CFAP46: variants seen among roughly 807,000 people sequenced by gnomAD.
CFAP46 encodes the protein cilia- and flagella-associated protein 46.
Under a neutral mutation model 325.7 loss-of-function variants are expected in CFAP46, and 245 were observed. The ratio of observed to expected loss-of-function variants is 0.75; its 90% confidence interval spans 0.68 to 0.84. The LOEUF is 0.84. Ranked by LOEUF, CFAP46 falls within the 40% of genes least tolerant of loss-of-function variation. The pLI is 0.00. For missense variants in CFAP46, 3,346 were observed against 3,543.0 expected, an observed-to-expected ratio of 0.94 and a Z score of 1.41; for synonymous variants, 1,523 against 1,495.9, an observed-to-expected ratio of 1.02 and a Z score of -0.42.
chr10:132,838,183 T>C (rs547322162), intron 44 of CFAP46, among the ~76,000 whole-genome samples: 5 of 152,338 alleles, frequency 3.3e-5, no homozygotes, highest in Admixed American at 3.3e-4. Flanking sequence ...TTCAGGCTCC[T>C]CACCACCAGC....
At chr10:132,910,364 A>AC (rs1391032740) in intron 19 of CFAP46, among the ~76,000 whole-genome samples, 1 of 151,918 alleles carries the variant, frequency 6.6e-6, no homozygotes, top group Non-Finnish European at 1.5e-5. Context: ...CTGAGCCAGC[A>AC]CCCCTCCCCC....
chr10:132,845,579 T>C (rs182482955), intron 44 of CFAP46, among the ~76,000 whole-genome samples: 2 of 152,302 alleles, frequency 1.3e-5, no homozygotes, highest in African/African-American at 4.8e-5. Flanking sequence ...GTCGTCGTCT[T>C]TTTTCTTTAA....
At chr10:132,850,562 G>GC in intron 40 of CFAP46, 130 bp from the exon 41 acceptor site, 3 of 896,510 alleles carry the variant, frequency 3.3e-6, no homozygotes, top group Middle Eastern at 3.3e-4. Flanking sequence ...AGAAAGCCTT[G>GC]CCCCGCAGGG....
At chr10:132,933,410 G>A (rs771104307) in intron 8 of CFAP46, among the ~76,000 whole-genome samples, 5 of 152,252 alleles carry the variant, frequency 3.3e-5, no homozygotes, top group Admixed American at 1.3e-4. Flanking sequence ...AAGACCTCTC[G>A]TCGGAGCGCC....
chr10:132,912,946 G>C, intron 18 of CFAP46, 100 bp downstream of exon 18: 1 of 1,471,648 alleles, frequency 6.8e-7, no homozygotes, highest in East Asian at 2.5e-5. Flanking sequence ...TCCTCTGCTG[G>C]GACACAGAGG....
chr10:132,832,296 T>C lies in CFAP46; in HGVS notation c.7117+1062A>G, dbSNP rs1191253963. Among the ~76,000 whole-genome samples, 1 of 152,062 alleles carries C rather than the reference T, an allele frequency of 6.6e-6. No individual in the cohort carries two copies. Among genetic ancestry groups the C allele is most frequent in the Admixed American group, 6.5e-5 (1 of 15,272 alleles). ...GTGGCCGTTCCTTGCAGCTCTCTCC[T>C]TCCAGGTGTCCCGCCCTGCACGTTG... On this transcript the variant is annotated intron_variant, in intron 50 of 57. Transcript: ENST00000368586. This position sits in a 1 kb window ranked among gnomAD's most constrained non-coding sequence, Gnocchi z 4.1.
Position 132,885,951 on chromosome 10 carries a change from C to T in CFAP46, c.3313G>A (p.Asp1105Asn), listed in dbSNP as rs1190263821. The change falls in exon 26 of 58, where the codon GAC (aspartate) becomes AAC (asparagine). Residue 1105 changes from aspartate to asparagine, a missense_variant. By Grantham distance (23) the Asp-to-Asn change is conservative (BLOSUM62 1). Transcript: ENST00000368586. ...TEGYFLPGAE[D>N]DLALRAALYG... ...AGCGCAGCACGGAGCGCCAGGTCGT[C>T]CTCAGCCCCTGGGAGGGAGAAGGAG... 2.6e-6 allele frequency: 4 copies of T among 1,549,826 alleles called. No homozygotes were observed. Among genetic ancestry groups the T allele is most frequent in the South Asian group, 1.2e-5 (1 of 84,038 alleles).
Position 132,808,538 on chromosome 10 carries a change from CCGACGCAGACCCCATGG to C in CFAP46, c.8014_8030del (p.Pro2672GlyfsTer?). On this transcript the variant is annotated frameshift_variant, in exon 58 of 58. Coordinates refer to ENST00000368586, the MANE Select transcript of CFAP46 (RefSeq NM_001200049.3). LOFTEE classifies it low-confidence loss of function (END_TRUNC). The surrounding 1 kb of genome is among the most constrained non-coding windows in gnomAD (Gnocchi z 6.8). Reference sequence around the variant, plus strand: ...CCCGGGAAGAGACGCAGCTCCAGCCCCGACGCAGACCCCATGGCGCACACAGGCAGGCAGAGCTCGAG... The same window carrying C: ...CCCGGGAAGAGACGCAGCTCCAGCCCCGCACACAGGCAGGCAGAGCTCGAG... The C allele has an allele frequency of 1.9e-6, 3 of 1,613,018 alleles. No homozygotes were observed. Among genetic ancestry groups the C allele is most frequent in the Non-Finnish European group, 2.5e-6 (3 of 1,179,976 alleles).
intron 54 of CFAP46, among the ~76,000 whole-genome samples, chr10:132,813,219 C>A (rs1320592252): frequency 3.9e-5 from 6 of 152,022 alleles, no homozygotes; most frequent in African/African-American, 9.7e-5. Context: ...GGTCAAGGCA[C>A]CCCCAGTACT....
chr10:132,869,170 G>T lies in CFAP46; in HGVS notation c.4610+104C>A. On this transcript the variant is annotated intron_variant, in intron 33 of 57. Transcript: ENST00000368586. This position sits in a 1 kb window ranked among gnomAD's most constrained non-coding sequence, Gnocchi z 6.2. ...CCCCAAGTGCTCACTCTCCCCAGAG[G>T]GGCAGGAGTCCAGGGAAGAGGGTGG... The T allele has an allele frequency of 1.1e-6, 1 of 911,954 alleles. No homozygotes were observed. Among genetic ancestry groups the T allele is most frequent in the Non-Finnish European group, 1.6e-6 (1 of 630,002 alleles). 56.5% of individuals were successfully genotyped at this position (911,954 alleles called of 1,614,324 possible).
At chr10:132,898,775 AG>A in intron 24 of CFAP46, 183 bp downstream of exon 24, 1 of 774,468 alleles carries the variant, frequency 1.3e-6, no homozygotes, top group Non-Finnish European at 2.2e-6. Context: ...CGAGTCCAGC[AG>A]GGGCCCCCGC....
At chr10:132,855,901 C>T (rs1848634999) in intron 39 of CFAP46, among the ~76,000 whole-genome samples, 2 of 152,188 alleles carry the variant, frequency 1.3e-5, no homozygotes. Context: ...GACACAATTT[C>T]CCCTGGAGTT....
chr10:132,929,507 C>T (rs371257846), intron 9 of CFAP46, 198 bp downstream of exon 9: 14 of 781,168 alleles, frequency 1.8e-5, no homozygotes, highest in African/African-American at 1.0e-4. Flanking sequence ...TAAAGAGAAA[C>T]GGGCAGGTGT....
intron 50 of CFAP46, among the ~76,000 whole-genome samples, chr10:132,823,727 C>T: frequency 8.6e-6 from 1 of 115,808 alleles, no homozygotes; most frequent in East Asian, 3.0e-4. Flanking sequence ...GTGCTGTGTG[C>T]TGATGTGTGC....
intron 20 of CFAP46, among the ~76,000 whole-genome samples, chr10:132,909,562 G>A (rs1363862151): frequency 1.3e-5 from 2 of 152,144 alleles, no homozygotes; most frequent in African/African-American, 2.4e-5. Context: ...GACCCTCCCC[G>A]CCTCCCTGGG....
Position 132,880,977 on chromosome 10 carries a change from A to T in CFAP46, c.3683T>A (p.Leu1228His), listed in dbSNP as rs1251864962. 5 of 1,550,376 alleles carry T rather than the reference A, an allele frequency of 3.2e-6. No individual in the cohort carries two copies. Among genetic ancestry groups the T allele is most frequent in the Middle Eastern group, 1.7e-4 (1 of 6,010 alleles). ...CTCGAGAGGAAAGTGTCTGTGATGG[A>T]GCCACTGGCCGAACTCCATGAGGTA... ...VEYLMEFGQW[L>H]HHRHFPLEDV... The change falls in exon 28 of 58, where the codon CTC becomes CAC. Residue 1228 changes from leucine (L) to histidine (H), a missense_variant. Physicochemically the swap from Leu to His is moderately conservative, Grantham distance 99. Transcript: ENST00000368586.
In CFAP46 at chr10:132,909,034, G is replaced by T. The variant is rs1202224918; in HGVS notation, c.2757+103C>A. On this transcript the variant is annotated intron_variant, in intron 21 of 57. Transcript: ENST00000368586. ...TGGGGGAGAGCGGGGCAGAGTGGGG[G>T]TGAGCATGCACGATGGGGCTCGAGT... The T allele has an allele frequency of 2.7e-5, 21 of 778,436 alleles. No individual in the cohort carries two copies. The Middle Eastern group carries it at 1.1e-3, about 40-fold the overall frequency. 48.2% of individuals were successfully genotyped at this position (778,436 alleles called of 1,614,324 possible). A position where few individuals can be genotyped will look rare whatever the true frequency, so the allele number is the denominator to read the frequency against.
chr10:132,908,448 C>T lies in CFAP46; in HGVS notation c.2924+20G>A, dbSNP rs1311155158. 7 of 1,550,184 alleles carry T rather than the reference C, an allele frequency of 4.5e-6. No homozygotes were observed. Among genetic ancestry groups the T allele is most frequent in the Non-Finnish European group, 6.1e-6 (7 of 1,146,902 alleles). On this transcript the variant is annotated intron_variant, in intron 22 of 57. Coordinates refer to ENST00000368586, the MANE Select transcript of CFAP46 (RefSeq NM_001200049.3). Reference sequence around the variant, plus strand: ...CCTGCCCGTTTTGAGGGAATTTGTCCAGTCATGAGGGTTACTTACGGCCCA... The same window carrying T: ...CCTGCCCGTTTTGAGGGAATTTGTCTAGTCATGAGGGTTACTTACGGCCCA...
chr10:132,861,696 GA>G (rs1234839628), intron 35 of CFAP46, among the ~76,000 whole-genome samples: 1 of 152,202 alleles, frequency 6.6e-6, no homozygotes, highest in Non-Finnish European at 1.5e-5. Flanking sequence ...GCGGTGGCGG[GA>G]AAGCCGGTCC....
Sources: allele counts gnomAD v4.1 joint callset (sites outside exome capture counted in the v4.1 genomes callset), GRCh38; gene constraint gnomAD v4.1.1; non-coding constraint Gnocchi (gnomAD v3.1); transcripts MANE v1.5; gene names NCBI Gene and HGNC (gene_info 2026-07-23, HGNC 2026-07-21).